The following PPM1L variants were observed in gnomAD, a reference collection of about 807,000 sequenced individuals.
PPM1L encodes the protein protein phosphatase, Mg2+/Mn2+ dependent 1L.
A neutral mutation model predicts 31.4 loss-of-function variants in PPM1L; 13 were observed. The observed-to-expected ratio is 0.41, with a 90% CI of 0.27 to 0.66. The LOEUF (loss-of-function observed/expected upper bound fraction) is 0.66, where lower values mean the gene tolerates loss of function less well. PPM1L is among the 30% of genes least tolerant of loss of function. The pLI, the probability that PPM1L is intolerant of heterozygous loss-of-function variation, is 0.29. For synonymous variants in PPM1L, 184 were observed against 175.4 expected, an observed-to-expected ratio of 1.05 and a Z score of -0.39; for missense variants, 326 against 453.7, an observed-to-expected ratio of 0.72 and a Z score of 2.56.
intron 2 of PPM1L, among the ~76,000 whole-genome samples, chr3:161,054,245 A>G (rs1040987441): frequency 3.9e-5 from 6 of 152,052 alleles, no homozygotes; most frequent in African/African-American, 1.2e-4. Flanking sequence ...CCTTTGCCTC[A>G]GATGTTTTGT....
At chr3:160,847,642 A>G (rs1228007500) in intron 1 of PPM1L, among the ~76,000 whole-genome samples, 3 of 152,148 alleles carry the variant, frequency 2.0e-5, no homozygotes, top group Non-Finnish European at 4.4e-5. Flanking sequence ...ACCAAACCAA[A>G]CACACACACC....
At chr3:161,061,116 G>T (rs1576624502) in intron 2 of PPM1L, among the ~76,000 whole-genome samples, 1 of 152,070 alleles carries the variant, frequency 6.6e-6, no homozygotes, top group East Asian at 1.9e-4. Flanking sequence ...AAACTGCAAA[G>T]CCCAAACAGT....
rs58794623 is a variant in PPM1L at position 161,046,110 on chromosome 3, CAAAAAAAA to C, written c.575-19276_575-19269del. On this transcript the variant is annotated intron_variant, in intron 2 of 3. Coordinates refer to ENST00000498165, the MANE Select transcript of PPM1L (RefSeq NM_139245.4). Reference sequence around the variant, plus strand: ...TGGGTGACAGAGCGAGACTCTGTCTCAAAAAAAAAAAAAAAAAAAAAAAATCAATGAAT... The same window carrying C: ...TGGGTGACAGAGCGAGACTCTGTCTCAAAAAAAAAAAAAAAATCAATGAAT... Among the ~76,000 whole-genome samples the C allele has an allele frequency of 7.8e-3, 392 of 50,316 alleles. 7 individuals carry two copies. Among genetic ancestry groups the C allele is most frequent in the African/African-American group, 0.038 (376 of 9,888 alleles). The allele number at this position is 50,316 out of a possible 152,430, so 33.0% of individuals were successfully genotyped here.
At chr3:161,025,644 G>A (rs542365596) in intron 2 of PPM1L, among the ~76,000 whole-genome samples, 1 of 151,568 alleles carries the variant, frequency 6.6e-6, no homozygotes, top group Non-Finnish European at 1.5e-5. Context: ...TCTACCATGT[G>A]AGGACTCAGC....
intron 1 of PPM1L, among the ~76,000 whole-genome samples, chr3:160,888,467 A>G (rs1307359177): frequency 6.6e-6 from 1 of 152,244 alleles, no homozygotes; most frequent in Non-Finnish European, 1.5e-5. Flanking sequence ...AAACAATTCA[A>G]CAAGAAGGGC....
rs138549136 is a variant in PPM1L at position 160,984,052 on chromosome 3, A to G, written c.574+22142A>G. 8.5e-5 allele frequency among the ~76,000 whole-genome samples: 13 copies of G among 152,304 alleles called. No homozygotes were observed. The East Asian group carries it at 2.3e-3, about 27-fold the overall frequency. ...CGTGTCCCGCTGTGTATGCATTGTCATTGATAAACATTTTACCAGAGTTCA... is the reference window on the plus strand; with the variant it reads ...CGTGTCCCGCTGTGTATGCATTGTCGTTGATAAACATTTTACCAGAGTTCA... On this transcript the variant is annotated intron_variant, in intron 2 of 3. Transcript: ENST00000498165.
chr3:161,029,232 C>G (rs1279736172), intron 2 of PPM1L, among the ~76,000 whole-genome samples: 2 of 152,148 alleles, frequency 1.3e-5, no homozygotes, highest in East Asian at 3.9e-4. Flanking sequence ...TCATTTTATC[C>G]TCATAAGCAC....
At chr3:160,943,844 T>A (rs1715234637) in intron 1 of PPM1L, among the ~76,000 whole-genome samples, 1 of 152,182 alleles carries the variant, frequency 6.6e-6, no homozygotes, top group Non-Finnish European at 1.5e-5. Context: ...CATGTTGACT[T>A]ATTTAGTGAC....
At position 161,077,569 on chromosome 3, in the gene PPM1L, C is replaced by A. The variant is rs1395962933; in HGVS notation, c.*8412C>A. The A allele has an allele frequency of 2.0e-5, 3 of 152,326 alleles. No individual in the cohort carries two copies. Among genetic ancestry groups the A allele is most frequent in the Admixed American group, 2.0e-4 (3 of 15,300 alleles). 9.4% of individuals were successfully genotyped at this position (152,326 alleles called of 1,614,324 possible). A position where few individuals can be genotyped will look rare whatever the true frequency, so the allele number is the denominator to read the frequency against. The stretch of plus-strand genomic sequence containing the variant: ...TGTTCCCAAGAGACTAGTGTAATAA[C>A]CTTATGCCCCCAAAGACAGCCCAGA... On this transcript the variant is annotated 3_prime_UTR_variant, in exon 4 of 4. Coordinates refer to ENST00000498165, the MANE Select transcript of PPM1L (RefSeq NM_139245.4).
At chr3:160,954,924 T>TTCTTTCC (rs1715703677) in intron 1 of PPM1L, among the ~76,000 whole-genome samples, 3 of 86,024 alleles carry the variant, frequency 3.5e-5, no homozygotes, top group African/African-American at 1.2e-4. Flanking sequence ...TCCTTCCTTC[T>TTCTTTCC]TTCCTTCCTT....
At chr3:160,873,022 A>G (rs1712370624) in intron 1 of PPM1L, among the ~76,000 whole-genome samples, 1 of 152,236 alleles carries the variant, frequency 6.6e-6, no homozygotes, top group Non-Finnish European at 1.5e-5. Flanking sequence ...TTTGTGAAGT[A>G]TTTAGATTGA....
chr3:160,854,125 A>G (rs190290690), intron 1 of PPM1L, among the ~76,000 whole-genome samples: 1 of 152,296 alleles, frequency 6.6e-6, no homozygotes, highest in East Asian at 1.9e-4. Context: ...CAGACCTTAG[A>G]CATGTCTTTT....
chr3:160,774,666 A>T (rs1164302042), intron 1 of PPM1L, among the ~76,000 whole-genome samples: 2 of 152,276 alleles, frequency 1.3e-5, no homozygotes, highest in East Asian at 3.9e-4. Flanking sequence ...TGAATACCTG[A>T]TGGATACACA....
intron 1 of PPM1L, among the ~76,000 whole-genome samples, chr3:160,910,900 A>G (rs1415172610): frequency 6.6e-6 from 1 of 152,218 alleles, no homozygotes; most frequent in Non-Finnish European, 1.5e-5. Context: ...TTGGAAATCC[A>G]AGATATTTCT....
intron 1 of PPM1L, among the ~76,000 whole-genome samples, chr3:160,845,637 C>A (rs1411762040): frequency 6.6e-6 from 1 of 151,990 alleles, no homozygotes; most frequent in Non-Finnish European, 1.5e-5. Flanking sequence ...TTTGCTGATA[C>A]ATTTAAGCCC....
At chr3:160,887,686 T>C (rs1456137052) in intron 1 of PPM1L, among the ~76,000 whole-genome samples, 1 of 151,274 alleles carries the variant, frequency 6.6e-6, no homozygotes, top group Non-Finnish European at 1.5e-5. Context: ...GTTCACCCCA[T>C]TCTCCTGCCT....
chr3:160,974,467 A>T (rs1346209109), intron 2 of PPM1L, among the ~76,000 whole-genome samples: 1 of 150,314 alleles, frequency 6.7e-6, no homozygotes, highest in African/African-American at 2.4e-5. Context: ...ACAATGGTTG[A>T]ACTAGTTTAC....
At chr3:161,000,605 T>C (rs1291218691) in intron 2 of PPM1L, among the ~76,000 whole-genome samples, 1 of 152,206 alleles carries the variant, frequency 6.6e-6, no homozygotes, top group East Asian at 1.9e-4. Context: ...TAGAAGTACA[T>C]TTTCAATGGA....
intron 1 of PPM1L, among the ~76,000 whole-genome samples, chr3:160,864,291 C>G (rs968549166): frequency 2.6e-5 from 4 of 152,056 alleles, no homozygotes; most frequent in Non-Finnish European, 5.9e-5. Flanking sequence ...CAGGTGATCC[C>G]CCGCTGACCT....
Sources: allele counts gnomAD v4.1 joint callset (sites outside exome capture counted in the v4.1 genomes callset), GRCh38; gene constraint gnomAD v4.1.1; transcripts MANE v1.5; gene names NCBI Gene and HGNC (gene_info 2026-07-23, HGNC 2026-07-21).